Variants in ADGRV1 observed in about 807,000 individuals in gnomAD.
ADGRV1 encodes G-protein coupled receptor 98.
In ADGRV1, 359 loss-of-function variants were observed where a neutral mutation model predicts 596.2. That is an observed-to-expected ratio of 0.60 (90% confidence interval 0.55 to 0.66). The LOEUF (loss-of-function observed/expected upper bound fraction) is 0.66, where lower values mean the gene tolerates loss of function less well. ADGRV1 is among the 30% of genes least tolerant of loss of function. ADGRV1 has a pLI of 0.00. For missense variants in ADGRV1, 7,274 were observed against 7,575.6 expected (o/e 0.96, Z 1.48); for synonymous variants, 2,681 against 2,679.2 (o/e 1.00, Z -0.02).
At chr5:90,965,393 T>A (rs975530663) in intron 83 of ADGRV1, 22 bp from the exon 84 acceptor site, 7 of 1,389,076 alleles carry the variant, frequency 5.0e-6, no homozygotes, top group Middle Eastern at 1.8e-4. Context: ...ATTTTAAAAA[T>A]AGAAGTATCT....
chr5:90,806,276 A>G (rs1458420902), intron 72 of ADGRV1, among the ~76,000 whole-genome samples: 1 of 152,158 alleles, frequency 6.6e-6, no homozygotes. Context: ...GAAAACAGAA[A>G]GAGAGAAATT....
intron 50 of ADGRV1, among the ~76,000 whole-genome samples, chr5:90,742,308 G>A: frequency 6.6e-6 from 1 of 152,178 alleles, no homozygotes; most frequent in Non-Finnish European, 1.5e-5. Flanking sequence ...ACTTACTTAA[G>A]GAAGAATCAT....
intron 27 of ADGRV1, among the ~76,000 whole-genome samples, chr5:90,682,054 C>A (rs776804146): frequency 6.6e-5 from 10 of 151,952 alleles, no homozygotes; most frequent in African/African-American, 2.4e-4. Context: ...TTAGTAGAGA[C>A]GGGGTTTCTC....
intron 86 of ADGRV1, among the ~76,000 whole-genome samples, chr5:91,098,132 C>G (rs1791035303): frequency 6.6e-6 from 1 of 152,146 alleles, no homozygotes; most frequent in South Asian, 2.1e-4. Context: ...GAATTATAGA[C>G]AGCAGAGAAG....
rs1475673661 is a variant in ADGRV1, at chr5:90,694,145, T to C, written c.7389T>C (p.Cys2463=). 1.9e-6 allele frequency: 3 copies of C among 1,613,716 alleles called. No individual in the cohort carries two copies. Among genetic ancestry groups the C allele is most frequent in the Non-Finnish European group, 1.7e-6 (2 of 1,179,850 alleles). ...SFFSASEGPQ[C]FWMTSWISPA... ...TCAGTGCTTCTGAGGGTCCCCAGTG[T>C]TTCTGGATGACATCATGGATCAGCC... Residue 2463 remains cysteine (C), a synonymous_variant, in exon 33 of 90, where the codon TGT becomes TGC. Transcript: ENST00000405460.
intron 21 of ADGRV1, among the ~76,000 whole-genome samples, chr5:90,671,792 A>G (rs1772500558): frequency 6.6e-6 from 1 of 152,208 alleles, no homozygotes; most frequent in South Asian, 2.1e-4. Context: ...TGAGGATTTG[A>G]CAGTAGGAAG....
At chr5:91,056,707 C>A (rs141860357) in intron 85 of ADGRV1, among the ~76,000 whole-genome samples, 2,436 of 152,184 alleles carry the variant, frequency 0.016, 71 homozygotes, top group African/African-American at 0.055. Context: ...CCGATGGCTG[C>A]CCACTAGGCT....
At chr5:90,986,994 GA>G (rs1184901356) in intron 85 of ADGRV1, among the ~76,000 whole-genome samples, 2 of 152,070 alleles carry the variant, frequency 1.3e-5, no homozygotes, top group Non-Finnish European at 2.9e-5. Flanking sequence ...ATATTAATTA[GA>G]AAAAACTATC....
At chr5:90,892,410 T>C (rs1581435507) in intron 83 of ADGRV1, among the ~76,000 whole-genome samples, 1 of 152,232 alleles carries the variant, frequency 6.6e-6, no homozygotes, top group East Asian at 1.9e-4. Flanking sequence ...AACAAAGTCT[T>C]ATGTCATTCA....
chr5:90,904,674 A>T (rs1772158260), intron 83 of ADGRV1, among the ~76,000 whole-genome samples: 1 of 151,650 alleles, frequency 6.6e-6, no homozygotes, highest in Non-Finnish European at 1.5e-5. Flanking sequence ...ATTTTCTTCC[A>T]TTCTGTAGGA....
At position 90,658,191 on chromosome 5, in the gene ADGRV1, G is replaced by A. The variant is rs750738203; in HGVS notation, c.4665G>A (p.Ser1555=). Residue 1555 remains serine (S), a synonymous_variant, in exon 21 of 90, where the codon TCG becomes TCA. Coordinates refer to ENST00000405460, the MANE Select transcript of ADGRV1 (RefSeq NM_032119.4). ...CTGTATATGGAGGAGCTCGTATTTC[G>A]GAAGAAAATACTACTGCAAGATTAA... ...LVSVYGGARI[S]EENTTARLTI... 16 of 1,583,982 alleles carry A rather than the reference G, an allele frequency of 1.0e-5. No individual in the cohort carries two copies. The highest frequency in any genetic ancestry group is 5.9e-5 in the South Asian group (5 of 85,330).
At chr5:91,017,566 G>T (rs1783276681) in intron 85 of ADGRV1, among the ~76,000 whole-genome samples, 1 of 151,890 alleles carries the variant, frequency 6.6e-6, no homozygotes, top group South Asian at 2.1e-4. Flanking sequence ...CATGCTCTTT[G>T]GAACTCTGTG....
In ADGRV1 at chr5:90,778,613, T is replaced by C. The variant is rs766908168; in HGVS notation, c.12849+4T>C. The stretch of plus-strand genomic sequence containing the variant: ...TCGAGTGTCAGAAGCACAGAGGGTA[T>C]AGTATGAAATGCTTAAGATTTTAAT... On this transcript the variant is annotated splice_donor_region_variant and intron_variant, in intron 63 of 89. Transcript: ENST00000405460. 8 of 1,544,836 alleles carry C rather than the reference T, an allele frequency of 5.2e-6. No individual in the cohort carries two copies. Among genetic ancestry groups the C allele is most frequent in the Non-Finnish European group, 5.2e-6 (6 of 1,148,788 alleles).
intron 83 of ADGRV1, among the ~76,000 whole-genome samples, chr5:90,890,946 C>T (rs911815286): frequency 5.3e-5 from 8 of 151,694 alleles, no homozygotes; most frequent in Non-Finnish European, 1.5e-5. Flanking sequence ...TTGGAGTTTT[C>T]AATTAATATA....
chr5:91,036,578 C>T (rs1209583962), intron 85 of ADGRV1, among the ~76,000 whole-genome samples: 3 of 145,664 alleles, frequency 2.1e-5, no homozygotes, highest in African/African-American at 5.1e-5. Context: ...AAAAAAAAAA[C>T]GGCCAGGCCT....
At chr5:90,637,246 A>AT (rs574193112) in intron 10 of ADGRV1, among the ~76,000 whole-genome samples, 18 of 150,662 alleles carry the variant, frequency 1.2e-4, no homozygotes, top group South Asian at 2.1e-4. Flanking sequence ...ATTGGTTAGA[A>AT]TTTTTTTTTT....
chr5:90,909,896 A>G (rs1772696503), intron 83 of ADGRV1, among the ~76,000 whole-genome samples: 1 of 152,226 alleles, frequency 6.6e-6, no homozygotes, highest in South Asian at 2.1e-4. Flanking sequence ...AACATTTAAA[A>G]TATAAAATAA....
chr5:91,023,804 G>C (rs1369679581), intron 85 of ADGRV1, among the ~76,000 whole-genome samples: 2 of 152,084 alleles, frequency 1.3e-5, no homozygotes, highest in African/African-American at 4.8e-5. Flanking sequence ...GAAAAACAGG[G>C]AGTATCACTA....
rs1490338942 is a variant in ADGRV1 at position 90,953,244 on chromosome 5, G to T, written c.17857-12171G>T. ...AAGCCCAATGCAAGTTTTGTCATTG[G>T]TTAGCTGTCAGACCTTTGTTACCTT... On this transcript the variant is annotated intron_variant, in intron 83 of 89. Coordinates refer to ENST00000405460, the MANE Select transcript of ADGRV1 (RefSeq NM_032119.4). Among the ~76,000 whole-genome samples, 5 of 152,138 alleles carry T rather than the reference G, an allele frequency of 3.3e-5. No homozygotes were observed. The East Asian group carries it at 9.6e-4, about 29-fold the overall frequency.
Sources: gnomAD v4.1 joint callset for allele counts (sites outside exome capture counted in the v4.1 genomes callset) on GRCh38, gnomAD v4.1.1 for gene constraint, MANE v1.5 for transcripts, NCBI Gene and HGNC (gene_info 2026-07-23, HGNC 2026-07-21) for gene names.